PCDHGA5: variants seen among roughly 807,000 people sequenced by gnomAD.
PCDHGA5 encodes protocadherin gamma subfamily A, 5, also known as protocadherin gamma-A5.
A neutral mutation model predicts 56.7 loss-of-function variants in PCDHGA5; 36 were observed. The ratio of observed to expected loss-of-function variants is 0.64; its 90% CI spans 0.49 to 0.84. PCDHGA5 has a LOEUF of 0.84. Ranked by LOEUF, PCDHGA5 falls within the 40% of genes least tolerant of loss-of-function variation. The pLI is 0.00. For missense variants in PCDHGA5, 1,305 were observed against 1,201.5 expected (o/e 1.09, Z -1.27); for synonymous variants, 563 against 520.2 (o/e 1.08, Z -1.12).
At chr5:141,383,709 C>T in intron 1 of PCDHGA5, 1 of 1,613,896 alleles carries the variant, frequency 6.2e-7, no homozygotes, top group Non-Finnish European at 8.5e-7. Context: ...TCGACCTGGA[C>T]GAGGGAGTCA....
intron 1 of PCDHGA5, chr5:141,371,114 A>G: frequency 6.2e-7 from 1 of 1,613,878 alleles, no homozygotes; most frequent in Non-Finnish European, 8.5e-7. Flanking sequence ...ATAACCCCCC[A>G]GTATTTACTC....
In PCDHGA5 at chr5:141,431,892, A is replaced by G. The variant is rs1456048000; in HGVS notation, c.2422-62915A>G. The G allele has an allele frequency of 2.1e-5, 34 of 1,614,054 alleles. No homozygotes were observed. Among genetic ancestry groups the G allele is most frequent in the Non-Finnish European group, 2.7e-5 (32 of 1,179,972 alleles). ...AATGTAAATGACCAAGATTCTGAGG[A>G]AAACGGACAGGTGATCTGTTTCATC... is the stretch of plus-strand genomic sequence containing the variant. On this transcript the variant is annotated intron_variant, in intron 1 of 3. Transcript: ENST00000518069. The surrounding 1 kb of genome is among the most constrained non-coding windows in gnomAD (Gnocchi z 4.8).
Position 141,370,976 on chromosome 5 carries a change from A to G in PCDHGA5, c.2421+4225A>G, listed in dbSNP as rs985937700. ...TGGATGGCAGTAGGTACCCAGAGCT[A>G]GTACTGAAAGCACCCCTGGACAGGG... On this transcript the variant is annotated intron_variant, in intron 1 of 3. Coordinates refer to ENST00000518069, the MANE Select transcript of PCDHGA5 (RefSeq NM_018918.3). The G allele has an allele frequency of 5.0e-6, 8 of 1,613,914 alleles. No homozygotes were observed. The Admixed American group carries it at 1.0e-4, about 20-fold the overall frequency.
At chr5:141,502,891 C>G (rs2099816930) in intron 2 of PCDHGA5, among the ~76,000 whole-genome samples, 1 of 117,990 alleles carries the variant, frequency 8.5e-6, no homozygotes, top group African/African-American at 3.4e-5. Context: ...GACAGGGAGT[C>G]TAGCTCTGTT....
At position 141,491,597 on chromosome 5, in the gene PCDHGA5, A is replaced by T. The variant is rs1389838814; in HGVS notation, c.2422-3210A>T. Reference sequence around the variant, plus strand: ...TTTTCACCGGCCTCGGACGGCAGTGACTTCACTTTTCTAAGACCCCTCAGC... The same window carrying T: ...TTTTCACCGGCCTCGGACGGCAGTGTCTTCACTTTTCTAAGACCCCTCAGC... On this transcript the variant is annotated intron_variant, in intron 1 of 3. Coordinates refer to ENST00000518069, the MANE Select transcript of PCDHGA5 (RefSeq NM_018918.3). This position sits in a 1 kb window ranked among gnomAD's most constrained non-coding sequence, Gnocchi z 6.9. 1.2e-6 allele frequency: 2 copies of T among 1,613,788 alleles called. No individual in the cohort carries two copies. The highest frequency in any genetic ancestry group is 1.7e-6 in the Non-Finnish European group (2 of 1,180,012).
In PCDHGA5 at chr5:141,404,391, A is replaced by T. The variant is rs773558298; in HGVS notation, c.2421+37640A>T. On this transcript the variant is annotated intron_variant, in intron 1 of 3. Transcript: ENST00000518069. ...TTCTCCGTGATTGCCTATGACCCTG[A>T]TAGCAATGAGAATTCTAGAGTTATT... 3.7e-6 allele frequency: 6 copies of T among 1,613,806 alleles called. No homozygotes were observed. Among genetic ancestry groups the T allele is most frequent in the Non-Finnish European group, 5.1e-6 (6 of 1,179,894 alleles).
intron 1 of PCDHGA5, chr5:141,384,204 A>T: frequency 4.3e-6 from 7 of 1,613,886 alleles, no homozygotes; most frequent in Non-Finnish European, 5.9e-6. Flanking sequence ...TGTCCAGGGA[A>T]ACTCACATAT....
chr5:141,462,408 A>G (rs1240372917), intron 1 of PCDHGA5, among the ~76,000 whole-genome samples: 2 of 152,188 alleles, frequency 1.3e-5, no homozygotes, highest in Non-Finnish European at 2.9e-5. Context: ...ATGGCACAGA[A>G]TATGGTCTAT....
intron 1 of PCDHGA5, chr5:141,414,681 G>A: frequency 6.2e-7 from 1 of 1,613,954 alleles, no homozygotes; most frequent in African/African-American, 1.3e-5. Context: ...CCATCCAGGG[G>A]GTACCTCTGT....
rs1488042504 is a variant in PCDHGA5, at chr5:141,511,552, T to C, written c.*379T>C. ...CCTCCTCCCCACCCCACTCCAACAG[T>C]TCCTCTTTCCCGAGTAAGGTGGTTG... On this transcript the variant is annotated 3_prime_UTR_variant, in exon 4 of 4. Coordinates refer to ENST00000518069, the MANE Select transcript of PCDHGA5 (RefSeq NM_018918.3). 1.3e-5 allele frequency: 4 copies of C among 304,316 alleles called. No individual in the cohort carries two copies. The highest frequency in any genetic ancestry group is 2.6e-5 in the Non-Finnish European group (4 of 156,548). The allele number at this position is 304,316 out of a possible 1,614,324, so 18.9% of individuals were successfully genotyped here.
chr5:141,414,540 C>G, intron 1 of PCDHGA5: 1 of 1,613,948 alleles, frequency 6.2e-7, no homozygotes. Flanking sequence ...ACCCACCTAC[C>G]TTCTCTCAAG....
rs373421472 is a variant in PCDHGA5, at chr5:141,472,201, A to G, written c.2422-22606A>G. ...GTATTGGAATTTGAATCTTTTTGAC[A>G]CTAAGACCTTACTCTCGATCATATA... is the stretch of plus-strand genomic sequence containing the variant. On this transcript the variant is annotated intron_variant, in intron 1 of 3. Coordinates refer to ENST00000518069, the MANE Select transcript of PCDHGA5 (RefSeq NM_018918.3). Among the ~76,000 whole-genome samples the G allele has an allele frequency of 5.6e-4, 86 of 152,320 alleles. 2 individuals are homozygous for G. The South Asian group carries it at 0.017, about 30-fold the overall frequency.
At position 141,432,459 on chromosome 5, in the gene PCDHGA5, T is replaced by A. The variant is rs1230209932; in HGVS notation, c.2422-62348T>A. The A allele has an allele frequency of 1.2e-6, 2 of 1,613,984 alleles. No homozygotes were observed. Among genetic ancestry groups the A allele is most frequent in the South Asian group, 1.1e-5 (1 of 91,082 alleles). ...GCGCCCGAGATCCTGTACCCCGCCCTCCCCACGGACGGTTCCACTGGCGTG... is the reference window on the plus strand; with the variant it reads ...GCGCCCGAGATCCTGTACCCCGCCCACCCCACGGACGGTTCCACTGGCGTG... On this transcript the variant is annotated intron_variant, in intron 1 of 3. Transcript: ENST00000518069. The surrounding 1 kb of genome is among the most constrained non-coding windows in gnomAD (Gnocchi z 6.0).
At position 141,485,129 on chromosome 5, in the gene PCDHGA5, T is replaced by G. The variant is rs761201450; in HGVS notation, c.2422-9678T>G. 2.1e-6 allele frequency: 3 copies of G among 1,462,964 alleles called. No individual in the cohort carries two copies. Among genetic ancestry groups the G allele is most frequent in the Non-Finnish European group, 2.8e-6 (3 of 1,053,766 alleles). 90.6% of individuals were successfully genotyped at this position (1,462,964 alleles called of 1,614,324 possible). A position where few individuals can be genotyped will look rare whatever the true frequency, so the allele number is the denominator to read the frequency against. On this transcript the variant is annotated intron_variant, in intron 1 of 3. Coordinates refer to ENST00000518069, the MANE Select transcript of PCDHGA5 (RefSeq NM_018918.3). The surrounding 1 kb of genome is among the most constrained non-coding windows in gnomAD (Gnocchi z 5.7). ...TGTGGCTGTTTGGGGCGGGTCGGCT[T>G]CATCCGCGTCTCAGGAGCAAGTAGA...
chr5:141,435,542 A>C (rs1402711516), intron 1 of PCDHGA5, among the ~76,000 whole-genome samples: 1 of 152,146 alleles, frequency 6.6e-6, no homozygotes, highest in Non-Finnish European at 1.5e-5. Flanking sequence ...GAATTAACAA[A>C]ATGTGTTTTG....
rs141034739 is a variant in PCDHGA5 at position 141,491,100 on chromosome 5, C to T, written c.2422-3707C>T. The T allele has an allele frequency of 2.7e-4, 430 of 1,614,138 alleles. No homozygotes were observed. The African/African-American group carries it at 4.7e-3, about 18-fold the overall frequency. ...AGTCCACAGCCCCAGGACTGTTCCT[C>T]GTGTCTACACACACTGGTGAGGTGC... On this transcript the variant is annotated intron_variant, in intron 1 of 3. Transcript: ENST00000518069. The surrounding 1 kb of genome is among the most constrained non-coding windows in gnomAD (Gnocchi z 6.9).
In PCDHGA5 at chr5:141,477,029, A is replaced by C; in HGVS notation, c.2422-17778A>C. 6.2e-7 allele frequency: 1 copy of C among 1,614,238 alleles called. No homozygotes were observed. The highest frequency in any genetic ancestry group is 8.5e-7 in the Non-Finnish European group (1 of 1,180,040). Reference sequence around the variant, plus strand: ...CTTAGACCTTGTAACCGGGATGCTGACAATCAAGGGTCGGCTGGACTTCGA... The same window carrying C: ...CTTAGACCTTGTAACCGGGATGCTGCCAATCAAGGGTCGGCTGGACTTCGA... On this transcript the variant is annotated intron_variant, in intron 1 of 3. Transcript: ENST00000518069. This position sits in a 1 kb window ranked among gnomAD's most constrained non-coding sequence, Gnocchi z 4.9.
intron 1 of PCDHGA5, chr5:141,388,040 G>A (rs1561617548): frequency 7.1e-7 from 1 of 1,412,748 alleles, no homozygotes; most frequent in Non-Finnish European, 9.6e-7. Flanking sequence ...ACCTCGCCAC[G>A]GACCTGGGGT....
chr5:141,460,587 T>C (rs1461971599), intron 1 of PCDHGA5, among the ~76,000 whole-genome samples: 1 of 152,170 alleles, frequency 6.6e-6, no homozygotes, highest in Non-Finnish European at 1.5e-5. Flanking sequence ...TGTGGGTTTT[T>C]TCTGGGCTCT....
Sources: allele counts gnomAD v4.1 joint callset (sites outside exome capture counted in the v4.1 genomes callset), GRCh38; gene constraint gnomAD v4.1.1; non-coding constraint Gnocchi (gnomAD v3.1); transcripts MANE v1.5; gene names NCBI Gene and HGNC (gene_info 2026-07-23, HGNC 2026-07-21).